Variants in ST6GALNAC5 observed in about 807,000 individuals in gnomAD.
The protein encoded by ST6GALNAC5 is alpha-N-acetylgalactosaminide alpha-2,6-sialyltransferase 5.
Under a neutral mutation model 33.6 loss-of-function variants are expected in ST6GALNAC5, and 27 were observed. The observed-to-expected ratio is 0.80, with a 90% CI of 0.59 to 1.11. ST6GALNAC5 has a LOEUF of 1.11. Among genes scored for constraint, ST6GALNAC5 ranks in the 50% least tolerant of loss-of-function variants. The pLI, the probability that ST6GALNAC5 is intolerant of heterozygous loss-of-function variation, is 0.00. For synonymous variants in ST6GALNAC5, 194 were observed against 171.2 expected (o/e 1.13, Z -1.04); for missense variants, 428 against 454.0 (o/e 0.94, Z 0.52).
intron 2 of ST6GALNAC5, among the ~76,000 whole-genome samples, chr1:77,015,616 C>G (rs909396178): frequency 4.6e-5 from 7 of 152,014 alleles, no homozygotes; most frequent in African/African-American, 1.7e-4. Flanking sequence ...AAAAATGATA[C>G]AAGGTGGACA....
intron 2 of ST6GALNAC5, among the ~76,000 whole-genome samples, chr1:77,005,404 A>G (rs1008624284): frequency 2.0e-5 from 3 of 152,116 alleles, no homozygotes; most frequent in Admixed American, 2.0e-4. Flanking sequence ...CTCCCTAGTG[A>G]GATGAACCCG....
chr1:76,868,570 G>A lies in ST6GALNAC5; in HGVS notation c.89G>A (p.Gly30Asp). 1 of 1,613,096 alleles carries A rather than the reference G, an allele frequency of 6.2e-7. No homozygotes were observed. The highest frequency in any genetic ancestry group is 8.5e-7 in the Non-Finnish European group (1 of 1,179,610). ...TTGTTGCTAGTGTACAGCAGCCTCGGCGGCCAGAAGGAGCGGCCCCCGCAG... is the reference window on the plus strand; with the variant it reads ...TTGTTGCTAGTGTACAGCAGCCTCGACGGCCAGAAGGAGCGGCCCCCGCAG... ...TSLLLVYSSL[G>D]GQKERPPQQQ... Residue 30 changes from glycine to aspartate, a missense_variant, in exon 2 of 5, where the codon GGC (glycine) becomes GAC (aspartate). By Grantham distance (94) the Gly-to-Asp change is moderately conservative. Transcript: ENST00000477717. This position sits in a 1 kb window ranked among gnomAD's most constrained non-coding sequence, Gnocchi z 4.3.
At chr1:77,034,031 A>G (rs549277553) in intron 2 of ST6GALNAC5, among the ~76,000 whole-genome samples, 1 of 152,150 alleles carries the variant, frequency 6.6e-6, no homozygotes, top group Non-Finnish European at 1.5e-5. Context: ...GGCAGAGGGT[A>G]GCGACCTTGT....
rs1011314494 is a variant in ST6GALNAC5, at chr1:77,064,707, A to T, written c.*1501A>T. ...TGTTCAAAAATAGTCTCTTATAAAT[A>T]TACTAGTGTTTTCTTTACACATGAC... On this transcript the variant is annotated 3_prime_UTR_variant, in exon 5 of 5. Coordinates refer to ENST00000477717, the MANE Select transcript of ST6GALNAC5 (RefSeq NM_030965.3). 1 of 152,220 alleles carries T rather than the reference A, an allele frequency of 6.6e-6. No homozygotes were observed. 9.4% of individuals were successfully genotyped at this position (152,220 alleles called of 1,614,324 possible).
At chr1:76,898,571 C>T (rs146711065) in intron 2 of ST6GALNAC5, among the ~76,000 whole-genome samples, 5,719 of 152,184 alleles carry the variant, frequency 0.038, 247 homozygotes, top group African/African-American at 0.11. Flanking sequence ...CTCAGGGTTG[C>T]TGCCGAACGA....
chr1:76,911,895 T>C (rs1317040286), intron 2 of ST6GALNAC5, among the ~76,000 whole-genome samples: 4 of 152,316 alleles, frequency 2.6e-5, no homozygotes, highest in African/African-American at 9.6e-5. Context: ...TCATTAATTT[T>C]TTGAAGGGCT....
intron 4 of ST6GALNAC5, among the ~76,000 whole-genome samples, chr1:77,053,603 C>T (rs1055259848): frequency 3.3e-5 from 5 of 152,138 alleles, no homozygotes; most frequent in Non-Finnish European, 1.5e-5. Flanking sequence ...TGATATTGGG[C>T]AAGCTACCTA....
chr1:76,929,574 T>C (rs1423359021), intron 2 of ST6GALNAC5, among the ~76,000 whole-genome samples: 2 of 152,114 alleles, frequency 1.3e-5, no homozygotes, highest in African/African-American at 2.4e-5. Context: ...GGAGCTTTGC[T>C]ACTTGGATCA....
intron 2 of ST6GALNAC5, among the ~76,000 whole-genome samples, chr1:77,026,536 C>T (rs60233954): frequency 0.11 from 16,570 of 151,680 alleles, 1,352 homozygotes; most frequent in African/African-American, 0.23. Context: ...ACCAACCCCC[C>T]AGAAGAGGGG....
chr1:76,868,790 G>T lies in ST6GALNAC5; in HGVS notation c.261+48G>T, dbSNP rs956362311. 9.0e-6 allele frequency: 13 copies of T among 1,446,194 alleles called. No individual in the cohort carries two copies. Among genetic ancestry groups the T allele is most frequent in the Non-Finnish European group, 1.2e-5 (13 of 1,106,052 alleles). The allele number at this position is 1,446,194 out of a possible 1,614,324, so 89.6% of individuals were successfully genotyped here. A position where few individuals can be genotyped will look rare whatever the true frequency, so the allele number is the denominator to read the frequency against. Reference sequence around the variant, plus strand: ...GCTCGCCACTCAGCCTGGGGATCCCGCACACCTGAGCCTTCCCCCTTTCCC... The same window carrying T: ...GCTCGCCACTCAGCCTGGGGATCCCTCACACCTGAGCCTTCCCCCTTTCCC... On this transcript the variant is annotated intron_variant, in intron 2 of 4. Coordinates refer to ENST00000477717, the MANE Select transcript of ST6GALNAC5 (RefSeq NM_030965.3). The surrounding 1 kb of genome is among the most constrained non-coding windows in gnomAD (Gnocchi z 4.3).
chr1:77,056,143 A>G (rs568258770), intron 4 of ST6GALNAC5, among the ~76,000 whole-genome samples: 3 of 152,192 alleles, frequency 2.0e-5, no homozygotes, highest in Non-Finnish European at 4.4e-5. Context: ...GAGAAAATTA[A>G]TGCCATGTTG....
intron 2 of ST6GALNAC5, among the ~76,000 whole-genome samples, chr1:76,900,082 G>T (rs1265594650): frequency 6.6e-6 from 1 of 152,144 alleles, no homozygotes; most frequent in African/African-American, 2.4e-5. Flanking sequence ...GAGAGTCAGC[G>T]AAGGGAGATA....
At chr1:77,049,308 T>G (rs1188883994) in intron 3 of ST6GALNAC5, among the ~76,000 whole-genome samples, 1 of 152,136 alleles carries the variant, frequency 6.6e-6, no homozygotes, top group Non-Finnish European at 1.5e-5. Context: ...CTGGGCAAAG[T>G]CAGACAGTCT....
chr1:76,955,283 T>C (rs554335919), intron 2 of ST6GALNAC5, among the ~76,000 whole-genome samples: 4 of 152,150 alleles, frequency 2.6e-5, no homozygotes, highest in Non-Finnish European at 5.9e-5. Flanking sequence ...GTCATCTATG[T>C]TGCATACTGT....
At chr1:77,010,284 A>G (rs942248559) in intron 2 of ST6GALNAC5, among the ~76,000 whole-genome samples, 1 of 152,124 alleles carries the variant, frequency 6.6e-6, no homozygotes, top group Non-Finnish European at 1.5e-5. Flanking sequence ...TACCTGAGGT[A>G]AGGTGGTCGA....
chr1:77,049,786 G>A (rs1213266464), intron 3 of ST6GALNAC5, among the ~76,000 whole-genome samples: 1 of 152,144 alleles, frequency 6.6e-6, no homozygotes, highest in Admixed American at 6.5e-5. Context: ...CCTAAGTTCA[G>A]TCAATCAACC....
chr1:76,911,805 T>C (rs930867152), intron 2 of ST6GALNAC5, among the ~76,000 whole-genome samples: 3 of 152,194 alleles, frequency 2.0e-5, no homozygotes, highest in African/African-American at 7.2e-5. Flanking sequence ...TCTATTTGAT[T>C]CTTCTCTCTT....
chr1:77,051,738 A>G (rs1355810717), intron 4 of ST6GALNAC5, among the ~76,000 whole-genome samples: 7 of 152,194 alleles, frequency 4.6e-5, no homozygotes, highest in African/African-American at 1.4e-4. Context: ...AGTAAGTAGA[A>G]TGGCCTAAAA....
At chr1:77,053,611 C>T (rs746138992) in intron 4 of ST6GALNAC5, among the ~76,000 whole-genome samples, 1 of 152,138 alleles carries the variant, frequency 6.6e-6, no homozygotes, top group East Asian at 1.9e-4. Flanking sequence ...GGCAAGCTAC[C>T]TAATGCTCCA....
Sources: gnomAD v4.1 joint callset for allele counts (sites outside exome capture counted in the v4.1 genomes callset) on GRCh38, gnomAD v4.1.1 for gene constraint, Gnocchi (gnomAD v3.1) non-coding constraint, MANE v1.5 for transcripts, NCBI Gene and HGNC (gene_info 2026-07-23, HGNC 2026-07-21) for gene names.